The following PDE3B variants were observed in gnomAD, a reference collection of about 807,000 sequenced individuals.
PDE3B encodes the protein phosphodiesterase 3B.
Under a neutral mutation model 116.8 loss-of-function variants are expected in PDE3B, and 66 were observed. That is an observed-to-expected ratio of 0.56 (90% confidence interval 0.46 to 0.69). The LOEUF (loss-of-function observed/expected upper bound fraction) is 0.69. Among genes scored for constraint, PDE3B ranks in the 30% least tolerant of loss-of-function variants. The pLI, the probability that PDE3B is intolerant of heterozygous loss-of-function variation, is 0.00. For synonymous variants in PDE3B, 595 were observed against 533.6 expected (o/e 1.12, Z -1.59); for missense variants, 1,384 against 1,368.1 (o/e 1.01, Z -0.18).
intron 2 of PDE3B, among the ~76,000 whole-genome samples, chr11:14,780,176 A>T (rs1168540787): frequency 2.6e-5 from 4 of 152,154 alleles, no homozygotes; most frequent in Non-Finnish European, 1.5e-5. Context: ...AAGTCCTTAG[A>T]GACCTACAAA....
chr11:14,734,723 A>T (rs924110559), intron 1 of PDE3B, among the ~76,000 whole-genome samples: 1 of 152,166 alleles, frequency 6.6e-6, no homozygotes. Context: ...GTTGAAATTT[A>T]TTCGGTGGAA....
intron 1 of PDE3B, among the ~76,000 whole-genome samples, chr11:14,715,259 A>C (rs1479722360): frequency 6.6e-6 from 1 of 152,168 alleles, no homozygotes; most frequent in Non-Finnish European, 1.5e-5. Context: ...TTTTGGTTCC[A>C]TATGAACTTT....
chr11:14,659,765 T>G (rs924249952), intron 1 of PDE3B, among the ~76,000 whole-genome samples: 14 of 152,252 alleles, frequency 9.2e-5, no homozygotes, highest in Non-Finnish European at 2.9e-5. Context: ...AAGTAATATC[T>G]TTTTAATTCA....
rs150587719 is a variant in PDE3B at position 14,789,457 on chromosome 11, A to G, written c.1415+215A>G. Among the ~76,000 whole-genome samples, 507 of 152,176 alleles carry G rather than the reference A, an allele frequency of 3.3e-3. 3 individuals are homozygous for G. The highest frequency in any genetic ancestry group is 4.9e-3 in the Non-Finnish European group (330 of 67,940). Reference sequence around the variant, plus strand: ...CTAAAACTTTGATAGGCTGGGTACAAAATGTGCTGGATCCCTGAGAACATG... The same window carrying G: ...CTAAAACTTTGATAGGCTGGGTACAGAATGTGCTGGATCCCTGAGAACATG... On this transcript the variant is annotated intron_variant, in intron 4 of 15. Coordinates refer to ENST00000282096, the MANE Select transcript of PDE3B (RefSeq NM_000922.4).
chr11:14,857,315 A>G (rs1353716320), intron 12 of PDE3B, among the ~76,000 whole-genome samples: 1 of 152,142 alleles, frequency 6.6e-6, no homozygotes, highest in Non-Finnish European at 1.5e-5. Context: ...CTGAGGCTTC[A>G]TTATCTGTTT....
At chr11:14,846,027 C>T (rs555705146) in intron 12 of PDE3B, among the ~76,000 whole-genome samples, 60 of 152,222 alleles carry the variant, frequency 3.9e-4, no homozygotes, top group African/African-American at 1.3e-3. Context: ...AACTCCAAGA[C>T]TCATAACTGT....
At chr11:14,726,160 C>G (rs1344107681) in intron 1 of PDE3B, among the ~76,000 whole-genome samples, 2 of 152,210 alleles carry the variant, frequency 1.3e-5, no homozygotes, top group Non-Finnish European at 1.5e-5. Context: ...CAGCTGTGAT[C>G]TTATGAAAGA....
chr11:14,660,356 C>T (rs1853858650), intron 1 of PDE3B, among the ~76,000 whole-genome samples: 1 of 149,912 alleles, frequency 6.7e-6, no homozygotes, highest in Non-Finnish European at 1.5e-5. Context: ...GGCTGGAGTG[C>T]AATGGCATGA....
At chr11:14,764,506 G>A (rs1368034612) in intron 1 of PDE3B, among the ~76,000 whole-genome samples, 1 of 152,072 alleles carries the variant, frequency 6.6e-6, no homozygotes, top group Non-Finnish European at 1.5e-5. Context: ...GTACTGCCAA[G>A]CACTGCTACA....
At position 14,787,730 on chromosome 11, in the gene PDE3B, A is replaced by G. The variant is rs984360749; in HGVS notation, c.1278+1045A>G. ...TACTTAGTTACATGACTTCCTTTTT[A>G]GCACTCTATCTTATAAGAAAGAGGT... On this transcript the variant is annotated intron_variant, in intron 3 of 15. Transcript: ENST00000282096. Among the ~76,000 whole-genome samples the G allele has an allele frequency of 4.6e-5, 7 of 151,950 alleles. No homozygotes were observed. In the East Asian group the frequency reaches 1.4e-3, roughly 29 times the overall value.
chr11:14,873,127 A>G (rs566322285), downstream of PDE3B, among the ~76,000 whole-genome samples: 9 of 152,342 alleles, frequency 5.9e-5, no homozygotes, highest in South Asian at 1.9e-3. Flanking sequence ...AGCATAATCA[A>G]GGAAGTCCCC....
intron 1 of PDE3B, among the ~76,000 whole-genome samples, chr11:14,711,040 A>AT (rs942138403): frequency 2.0e-5 from 3 of 152,132 alleles, no homozygotes; most frequent in Admixed American, 6.5e-5. Flanking sequence ...AAAAATTATG[A>AT]TTTTTTTAAG....
intron 12 of PDE3B, among the ~76,000 whole-genome samples, chr11:14,850,862 T>C (rs1011979451): frequency 1.3e-5 from 2 of 152,160 alleles, no homozygotes; most frequent in Admixed American, 1.3e-4. Flanking sequence ...GGAGTCCTGC[T>C]CTGTCACCCA....
chr11:14,743,893 A>G (rs974526380), intron 1 of PDE3B, among the ~76,000 whole-genome samples: 2 of 152,148 alleles, frequency 1.3e-5, no homozygotes, highest in African/African-American at 4.8e-5. Context: ...GGCTGGACCC[A>G]CTGTCTAACC....
intron 15 of PDE3B, 21 bp downstream of exon 15, chr11:14,867,779 T>G: frequency 6.4e-7 from 1 of 1,563,134 alleles, no homozygotes; most frequent in South Asian, 1.1e-5. Context: ...AGGGACATTA[T>G]AATTTATTTA....
intron 1 of PDE3B, among the ~76,000 whole-genome samples, chr11:14,729,650 T>C (rs1856402168): frequency 6.6e-6 from 1 of 152,220 alleles, no homozygotes; most frequent in African/African-American, 2.4e-5. Flanking sequence ...TAAATATGAC[T>C]GATATTCAGA....
intron 1 of PDE3B, among the ~76,000 whole-genome samples, chr11:14,656,568 CCACTTA>C (rs1169375066): frequency 6.6e-6 from 1 of 152,160 alleles, no homozygotes; most frequent in Non-Finnish European, 1.5e-5. Flanking sequence ...GTCATCTCTA[CCACTTA>C]CAGAATGTTG....
At chr11:14,866,815 A>G (rs543733602) in intron 14 of PDE3B, among the ~76,000 whole-genome samples, 44 of 152,316 alleles carry the variant, frequency 2.9e-4, no homozygotes, top group African/African-American at 9.9e-4. Flanking sequence ...TAACCTCATC[A>G]TAGCATCCCT....
intron 1 of PDE3B, among the ~76,000 whole-genome samples, chr11:14,739,749 T>C (rs907603298): frequency 1.3e-5 from 2 of 152,206 alleles, no homozygotes; most frequent in African/African-American, 4.8e-5. Flanking sequence ...TTGTCATAAA[T>C]AGCTCTTATT....
Sources: gnomAD v4.1 joint callset for allele counts (sites outside exome capture counted in the v4.1 genomes callset) on GRCh38, gnomAD v4.1.1 for gene constraint, MANE v1.5 for transcripts, NCBI Gene and HGNC (gene_info 2026-07-23, HGNC 2026-07-21) for gene names.